Variants in FOXP1 observed in about 807,000 individuals in gnomAD.
FOXP1 encodes forkhead box P1.
In FOXP1, 15 loss-of-function variants were observed where a neutral mutation model predicts 98.2. The ratio of observed to expected loss-of-function variants is 0.15; its 90% confidence interval spans 0.10 to 0.24. The LOEUF (loss-of-function observed/expected upper bound fraction) is 0.24. Ranked by LOEUF, FOXP1 falls within the 10% of genes least tolerant of loss-of-function variation. The pLI is 1.00. For missense variants in FOXP1, 633 were observed against 848.5 expected (o/e 0.75, Z 3.15); for synonymous variants, 371 against 314.5 (o/e 1.18, Z -1.90).
rs751543308 is a variant in FOXP1 at position 70,976,981 on chromosome 3, C to T, written c.1490G>A (p.Arg497Gln). The stretch of plus-strand genomic sequence containing the variant: ...GTTGCGTCGGAAGTAAGCAAACATT[C>T]GTGTGAACCAGTTATAGATCTCATT... ...TLNEIYNWFT[R>Q]MFAYFRRNAA... The change falls in exon 17 of 21, where the codon CGA becomes CAA. Residue 497 changes from arginine to glutamine, a missense_variant. This residue lies in a region of FOXP1 where 141 missense variants were observed against 199.5 expected (regional missense o/e 0.71). Transcript: ENST00000649528. 4.3e-6 allele frequency: 7 copies of T among 1,614,162 alleles called. No homozygotes were observed. The highest frequency in any genetic ancestry group is 1.6e-4 in the Middle Eastern group (1 of 6,062).
chr3:71,460,430 G>GTT (rs1202216641), intron 3 of FOXP1, among the ~76,000 whole-genome samples: 1 of 148,236 alleles, frequency 6.7e-6, no homozygotes, highest in South Asian at 2.2e-4. Flanking sequence ...GGTTTTTTTC[G>GTT]TTTTTTTTTG....
intron 2 of FOXP1, among the ~76,000 whole-genome samples, chr3:71,495,453 G>C (rs2091338859): frequency 6.6e-6 from 1 of 152,140 alleles, no homozygotes; most frequent in South Asian, 2.1e-4. Flanking sequence ...AAAATGCCCA[G>C]CTCATAGCAA....
intron 9 of FOXP1, among the ~76,000 whole-genome samples, chr3:71,047,961 T>G (rs764960406): frequency 6.6e-6 from 1 of 152,198 alleles, no homozygotes; most frequent in South Asian, 2.1e-4. Context: ...AAAAAATTAA[T>G]GTAGATTTCC....
At chr3:71,361,081 G>A (rs918070516) in intron 3 of FOXP1, among the ~76,000 whole-genome samples, 2 of 152,158 alleles carry the variant, frequency 1.3e-5, no homozygotes, top group South Asian at 4.2e-4. Flanking sequence ...TGTGCTGTGT[G>A]GGCATTTTCC....
chr3:71,112,512 T>C (rs1026910843), intron 7 of FOXP1, 24 bp downstream of exon 7: 2 of 1,567,080 alleles, frequency 1.3e-6, no homozygotes, highest in Non-Finnish European at 1.8e-6. Flanking sequence ...ATAATGTCAA[T>C]TTAAAAAGAA....
intron 3 of FOXP1, among the ~76,000 whole-genome samples, chr3:71,457,918 T>A (rs1370008081): frequency 6.6e-6 from 1 of 152,204 alleles, no homozygotes; most frequent in Non-Finnish European, 1.5e-5. Context: ...CAGGGACTAT[T>A]GTGCTCCAGG....
At chr3:71,327,493 T>C (rs1270397971) in intron 4 of FOXP1, among the ~76,000 whole-genome samples, 1 of 149,282 alleles carries the variant, frequency 6.7e-6, no homozygotes, top group Admixed American at 6.7e-5. Flanking sequence ...GTTCACGCCA[T>C]TCTCCTGCCT....
chr3:71,582,687 T>G, intron 1 of FOXP1: 1 of 985,186 alleles, frequency 1.0e-6, no homozygotes, highest in Non-Finnish European at 1.2e-6. Context: ...CGCATCCGGC[T>G]CCCGCACCCA....
chr3:71,413,067 A>C (rs1187076712), intron 3 of FOXP1, among the ~76,000 whole-genome samples: 3 of 152,100 alleles, frequency 2.0e-5, no homozygotes, highest in African/African-American at 7.2e-5. Context: ...TGGAGGAGGC[A>C]ACAAACAAAC....
intron 13 of FOXP1, among the ~76,000 whole-genome samples, chr3:70,989,981 C>T (rs902216599): frequency 6.6e-6 from 1 of 152,138 alleles, no homozygotes; most frequent in African/African-American, 2.4e-5. Flanking sequence ...CAAACACATA[C>T]CTAGAATTTG....
chr3:71,205,539 CA>C (rs2063972309), intron 5 of FOXP1, among the ~76,000 whole-genome samples: 1 of 152,022 alleles, frequency 6.6e-6, no homozygotes, highest in Non-Finnish European at 1.5e-5. Flanking sequence ...CAAATGTGGC[CA>C]CTCATTTAGC....
chr3:70,988,952 AAT>A (rs1211154878), intron 13 of FOXP1, among the ~76,000 whole-genome samples: 1 of 152,148 alleles, frequency 6.6e-6, no homozygotes, highest in Admixed American at 6.5e-5. Flanking sequence ...AGAAGAGATT[AAT>A]ATGAGAGAGA....
intron 5 of FOXP1, among the ~76,000 whole-genome samples, chr3:71,293,653 C>T (rs747742486): frequency 5.3e-5 from 8 of 152,084 alleles, no homozygotes; most frequent in Non-Finnish European, 1.0e-4. Flanking sequence ...CTCTATTGAG[C>T]ATATTTCTCT....
intron 2 of FOXP1, chr3:71,570,163 T>G (rs939660313): frequency 6.6e-6 from 1 of 152,126 alleles, no homozygotes; most frequent in Non-Finnish European, 1.5e-5. Context: ...ATACTGGGAC[T>G]CCAAGTCTCA....
intron 3 of FOXP1, among the ~76,000 whole-genome samples, chr3:71,417,795 G>A (rs144729397): frequency 7.3e-4 from 111 of 151,958 alleles, no homozygotes; most frequent in African/African-American, 2.6e-3. Flanking sequence ...GTTTAATTTG[G>A]CCAAATAAAG....
chr3:71,189,767 G>A (rs2062854990), intron 6 of FOXP1, among the ~76,000 whole-genome samples: 1 of 152,102 alleles, frequency 6.6e-6, no homozygotes. Context: ...CTCTTTCTGT[G>A]TCACTCATTC....
At chr3:71,071,517 T>G (rs2053227884) in intron 7 of FOXP1, among the ~76,000 whole-genome samples, 1 of 152,218 alleles carries the variant, frequency 6.6e-6, no homozygotes, top group Admixed American at 6.5e-5. Context: ...ACGTCACCTC[T>G]CTGCGCCTGC....
chr3:71,534,139 G>A (rs546625725), intron 2 of FOXP1, among the ~76,000 whole-genome samples: 2 of 152,316 alleles, frequency 1.3e-5, no homozygotes, highest in South Asian at 2.1e-4. Context: ...CAAGGCAGGC[G>A]GATGACCTGA....
chr3:71,321,914 C>A (rs1028816177), intron 4 of FOXP1, among the ~76,000 whole-genome samples: 6 of 152,156 alleles, frequency 3.9e-5, no homozygotes, highest in African/African-American at 1.2e-4. Flanking sequence ...GCCACTGTGC[C>A]CAGCCTCAAT....
Sources: gnomAD v4.1 joint callset for allele counts (sites outside exome capture counted in the v4.1 genomes callset) on GRCh38, gnomAD v4.1.1 for gene constraint, gnomAD v4.1.1 regional missense constraint, MANE v1.5 for transcripts, NCBI Gene and HGNC (gene_info 2026-07-23, HGNC 2026-07-21) for gene names.